The following SEPTIN9 variants were observed in gnomAD, a reference collection of about 807,000 sequenced individuals.
SEPTIN9 encodes septin-9.
Under a neutral mutation model 56.6 loss-of-function variants are expected in SEPTIN9, and 13 were observed. That is an observed-to-expected ratio of 0.23 (90% CI 0.15 to 0.37). The LOEUF (loss-of-function observed/expected upper bound fraction) is 0.37. Ranked by LOEUF, SEPTIN9 falls within the 10% of genes least tolerant of loss-of-function variation. The pLI is 1.00. For synonymous variants in SEPTIN9, 332 were observed against 334.1 expected (o/e 0.99, Z 0.07); for missense variants, 650 against 823.1 (o/e 0.79, Z 2.57).
intron 1 of SEPTIN9, among the ~76,000 whole-genome samples, chr17:77,284,552 C>T (rs2031188910): frequency 6.6e-6 from 1 of 152,230 alleles, no homozygotes; most frequent in Admixed American, 6.5e-5. Flanking sequence ...TGCGCCTCTC[C>T]CTGTGGCACA....
At chr17:77,311,817 A>T (rs973743090) in intron 2 of SEPTIN9, among the ~76,000 whole-genome samples, 1 of 152,056 alleles carries the variant, frequency 6.6e-6, no homozygotes, top group Non-Finnish European at 1.5e-5. Flanking sequence ...ACGTGGAGGG[A>T]GCTGGTCGTG....
At chr17:77,407,056 C>G (rs2036107045) in intron 3 of SEPTIN9, among the ~76,000 whole-genome samples, 1 of 151,946 alleles carries the variant, frequency 6.6e-6, no homozygotes, top group Admixed American at 6.6e-5. Context: ...CCGAAGCAGG[C>G]AGATTGCTTG....
intron 2 of SEPTIN9, among the ~76,000 whole-genome samples, chr17:77,377,699 C>T (rs1280765948): frequency 3.9e-5 from 6 of 152,146 alleles, no homozygotes; most frequent in Admixed American, 6.5e-5. Context: ...CCAACACCTC[C>T]GGGACGTGGG....
At chr17:77,464,912 C>A (rs1234468550) in intron 3 of SEPTIN9, among the ~76,000 whole-genome samples, 1 of 152,152 alleles carries the variant, frequency 6.6e-6, no homozygotes, top group Non-Finnish European at 1.5e-5. Flanking sequence ...AATTAACCAT[C>A]ACAGTTACAC....
intron 2 of SEPTIN9, among the ~76,000 whole-genome samples, chr17:77,315,810 T>C (rs1389988597): frequency 3.3e-5 from 5 of 152,174 alleles, no homozygotes; most frequent in African/African-American, 9.7e-5. Context: ...GTGATGCTGA[T>C]GTCGCAGAAA....
At chr17:77,468,400 A>G (rs2144548715) in intron 3 of SEPTIN9, among the ~76,000 whole-genome samples, 1 of 152,350 alleles carries the variant, frequency 6.6e-6, no homozygotes, top group African/African-American at 2.4e-5. Context: ...CTCTGTGGGT[A>G]GCCTTGTTGG....
At chr17:77,464,063 AT>A (rs146673019) in intron 3 of SEPTIN9, among the ~76,000 whole-genome samples, 14,194 of 151,694 alleles carry the variant, frequency 0.094, 1,717 homozygotes, top group African/African-American at 0.28. Flanking sequence ...AATTTAAAAA[AT>A]TTTTTTTCTT....
At chr17:77,316,563 C>G (rs533337093) in intron 2 of SEPTIN9, among the ~76,000 whole-genome samples, 2 of 152,258 alleles carry the variant, frequency 1.3e-5, no homozygotes, top group South Asian at 4.1e-4. Context: ...ATAGCCCGGC[C>G]CCTCACTCGG....
rs1042260800 is a variant in SEPTIN9, at chr17:77,360,738, G to T, written c.77-41321G>T. On this transcript the variant is annotated intron_variant, in intron 2 of 11. Coordinates refer to ENST00000427177, the MANE Select transcript of SEPTIN9 (RefSeq NM_001113491.2). ...CGCCACCACACCCGGCTAATTTTTT[G>T]TATTTTTAGTAGAGACGGGGTTTCA... 5.3e-5 allele frequency among the ~76,000 whole-genome samples: 8 copies of T among 151,972 alleles called. No individual in the cohort carries two copies. The East Asian group carries it at 1.4e-3, about 26-fold the overall frequency.
chr17:77,407,135 T>C (rs994334569), intron 3 of SEPTIN9, among the ~76,000 whole-genome samples: 1 of 151,732 alleles, frequency 6.6e-6, no homozygotes, highest in African/African-American at 2.4e-5. Flanking sequence ...TACAAAAAAT[T>C]AGCCAGGCAT....
At chr17:77,454,437 T>A in intron 3 of SEPTIN9, 1 of 915,450 alleles carries the variant, frequency 1.1e-6, no homozygotes. Flanking sequence ...GTGGCGGCCA[T>A]GCCCAGTCCG....
intron 3 of SEPTIN9, among the ~76,000 whole-genome samples, chr17:77,461,717 G>A (rs312850): frequency 0.091 from 13,887 of 152,244 alleles, 1,686 homozygotes; most frequent in African/African-American, 0.28. Context: ...AGGTGTGTAC[G>A]TGTGTTTAGA....
intron 2 of SEPTIN9, among the ~76,000 whole-genome samples, chr17:77,336,704 C>A (rs959110917): frequency 1.3e-5 from 2 of 151,770 alleles, no homozygotes; most frequent in Non-Finnish European, 2.9e-5. Flanking sequence ...GATCTTGATG[C>A]CTTGTTTTTT....
rs998200418 is a variant in SEPTIN9, at chr17:77,453,249, C to T, written c.722-28895C>T. On this transcript the variant is annotated intron_variant, in intron 3 of 11. Transcript: ENST00000427177. The surrounding 1 kb of genome is among the most constrained non-coding windows in gnomAD (Gnocchi z 4.4). Reference sequence around the variant, plus strand: ...CTGAGAGCCCTGCTTTAATGGAAGGCGGGGGCATAGTTGCAGGCAGAAGCC... The same window carrying T: ...CTGAGAGCCCTGCTTTAATGGAAGGTGGGGGCATAGTTGCAGGCAGAAGCC... 2.6e-5 allele frequency among the ~76,000 whole-genome samples: 4 copies of T among 151,996 alleles called. No individual in the cohort carries two copies. Among genetic ancestry groups the T allele is most frequent in the Non-Finnish European group, 2.9e-5 (2 of 68,004 alleles).
At chr17:77,352,269 T>A (rs1266714466) in intron 2 of SEPTIN9, among the ~76,000 whole-genome samples, 1 of 147,190 alleles carries the variant, frequency 6.8e-6, no homozygotes, top group Non-Finnish European at 1.5e-5. Flanking sequence ...TAGCCGGGCG[T>A]GGTGGTGGGT....
intron 2 of SEPTIN9, among the ~76,000 whole-genome samples, chr17:77,386,057 G>T (rs546165361): frequency 6.6e-6 from 1 of 152,304 alleles, no homozygotes; most frequent in South Asian, 2.1e-4. Context: ...TGCCTGGCCC[G>T]GGGTGGGGTG....
At chr17:77,404,586 G>A (rs377368491) in intron 3 of SEPTIN9, among the ~76,000 whole-genome samples, 33 of 152,324 alleles carry the variant, frequency 2.2e-4, no homozygotes, top group African/African-American at 7.2e-4. Flanking sequence ...CCAGTGGTCA[G>A]TGGGCTTGGG....
In SEPTIN9 at chr17:77,451,303, CCCT is replaced by C. The variant is rs1202558150; in HGVS notation, c.722-30834_722-30832del. On this transcript the variant is annotated intron_variant, in intron 3 of 11. Transcript: ENST00000427177. This position sits in a 1 kb window ranked among gnomAD's most constrained non-coding sequence, Gnocchi z 4.2. ...CTGGGCGCCCCTATCTCTGCCTGCCCCCTCCTCCTGCTCCCCTCGCCCTGCCCC... is the reference window on the plus strand; with the variant it reads ...CTGGGCGCCCCTATCTCTGCCTGCCCCCTCCTGCTCCCCTCGCCCTGCCCC... 2.1e-6 allele frequency: 2 copies of C among 937,562 alleles called. No homozygotes were observed. Among genetic ancestry groups the C allele is most frequent in the Non-Finnish European group, 2.5e-6 (2 of 785,948 alleles). 58.1% of individuals were successfully genotyped at this position (937,562 alleles called of 1,614,324 possible).
intron 2 of SEPTIN9, among the ~76,000 whole-genome samples, chr17:77,392,735 G>A (rs947155592): frequency 7.2e-5 from 11 of 152,028 alleles, no homozygotes; most frequent in East Asian, 5.8e-4. Flanking sequence ...ATCTGGCTGC[G>A]GCTCTCTAAG....
Sources: allele counts gnomAD v4.1 joint callset (sites outside exome capture counted in the v4.1 genomes callset), GRCh38; gene constraint gnomAD v4.1.1; non-coding constraint Gnocchi (gnomAD v3.1); transcripts MANE v1.5; gene names NCBI Gene and HGNC (gene_info 2026-07-23, HGNC 2026-07-21).